The following ODF2L variants were observed in gnomAD, a reference collection of about 807,000 sequenced individuals.
The protein encoded by ODF2L is protein BCAP.
In ODF2L, 76 loss-of-function variants were observed where a neutral mutation model predicts 86.3. The ratio of observed to expected loss-of-function variants is 0.88; its 90% CI spans 0.73 to 1.07. ODF2L has a LOEUF of 1.07. ODF2L is among the 50% of genes least tolerant of loss of function. The probability of loss-of-function intolerance (pLI) is 0.00; values close to 1 mark genes in which losing one functional copy is unlikely to be tolerated. For missense variants in ODF2L, 748 were observed against 717.4 expected (o/e 1.04, Z -0.49); for synonymous variants, 241 against 231.3 (o/e 1.04, Z -0.38).
At chr1:86,375,159 C>T (rs1464916573) in intron 8 of ODF2L, among the ~76,000 whole-genome samples, 1 of 151,786 alleles carries the variant, frequency 6.6e-6, no homozygotes, top group African/African-American at 2.4e-5. Context: ...TGAAAAGATA[C>T]CTGAATGATT....
chr1:86,352,990 AT>A lies in ODF2L; in HGVS notation c.1768-7del. On this transcript the variant is annotated splice_polypyrimidine_tract_variant and splice_region_variant and intron_variant, in intron 16 of 17. Transcript: ENST00000317336. Reference sequence around the variant, plus strand: ...TTCTCTATTTCTTCAGCAACCTGTAATTTTTATCAAAAGAGTAAAATAAAGT... The same window carrying A: ...TTCTCTATTTCTTCAGCAACCTGTAATTTTATCAAAAGAGTAAAATAAAGT... 1 of 1,492,356 alleles carries A rather than the reference AT, an allele frequency of 6.7e-7. No homozygotes were observed. The highest frequency in any genetic ancestry group is 9.2e-7 in the Non-Finnish European group (1 of 1,086,244). The allele number at this position is 1,492,356 out of a possible 1,614,324, so 92.4% of individuals were successfully genotyped here. A position where few individuals can be genotyped will look rare whatever the true frequency, so the allele number is the denominator to read the frequency against.
chr1:86,372,596 C>T, intron 8 of ODF2L, 56 bp from the exon 9 acceptor site: 1 of 925,190 alleles, frequency 1.1e-6, no homozygotes, highest in Non-Finnish European at 1.6e-6. Context: ...TTGTTTTGTT[C>T]AGATCTCTAA....
intron 1 of ODF2L, among the ~76,000 whole-genome samples, chr1:86,395,276 C>T (rs891837951): frequency 1.4e-4 from 21 of 152,354 alleles, no homozygotes; most frequent in African/African-American, 5.1e-4. Context: ...TCCCCAACAG[C>T]AGCCCCAGTA....
intron 11 of ODF2L, among the ~76,000 whole-genome samples, chr1:86,364,986 A>G (rs188348506): frequency 2.6e-5 from 4 of 152,298 alleles, no homozygotes; most frequent in African/African-American, 9.6e-5. Flanking sequence ...GTTTTCTGGA[A>G]TTTTCCAATA....
intron 1 of ODF2L, among the ~76,000 whole-genome samples, chr1:86,393,543 T>C (rs1661481731): frequency 6.6e-6 from 1 of 152,176 alleles, no homozygotes; most frequent in Admixed American, 6.5e-5. Context: ...AAAAGAAGGA[T>C]GTATATTTAA....
intron 1 of ODF2L, among the ~76,000 whole-genome samples, chr1:86,391,223 T>C (rs1209548193): frequency 2.0e-5 from 3 of 152,204 alleles, no homozygotes; most frequent in African/African-American, 4.8e-5. Context: ...CCCATGTTCA[T>C]GGATGGGTCA....
chr1:86,382,938 C>T, exon 6 of ODF2L: 2 of 1,543,034 alleles, frequency 1.3e-6, no homozygotes, highest in Admixed American at 1.7e-5. Flanking sequence ...TACCTTTTCA[C>T]TCTGAAACAA....
At chr1:86,382,975 C>T (rs1258948143) in exon 6 of ODF2L, 1 of 1,563,600 alleles carries the variant, frequency 6.4e-7, no homozygotes, top group Non-Finnish European at 8.8e-7. Flanking sequence ...ATATGGGCCT[C>T]CTTTTCAAAT....
At chr1:86,380,478 C>G (rs1334042902) in intron 7 of ODF2L, among the ~76,000 whole-genome samples, 3 of 152,100 alleles carry the variant, frequency 2.0e-5, no homozygotes, top group African/African-American at 7.2e-5. Flanking sequence ...CATCATCACA[C>G]CATGAATAGT....
At chr1:86,354,665 A>G (rs772796284) in exon 16 of ODF2L, 104 of 1,611,298 alleles carry the variant, frequency 6.5e-5, no homozygotes, top group Non-Finnish European at 8.5e-5. Context: ...CAAGCTCTTT[A>G]TTTTCTGCGT....
rs112368234 is a variant in ODF2L at position 86,366,320 on chromosome 1, A to G, written c.1143+2316T>C. ...TGTAATCCCAGTACTTTGGGAGGAC[A>G]AGGTGGGAGGATCGCTTGAGCCCAG... On this transcript the variant is annotated intron_variant, in intron 11 of 17. Transcript: ENST00000317336. 9.5e-3 allele frequency among the ~76,000 whole-genome samples: 1,435 copies of G among 151,274 alleles called. 14 individuals are homozygous for G. The highest frequency in any genetic ancestry group is 0.034 in the Middle Eastern group (10 of 294).
At position 86,369,241 on chromosome 1, in the gene ODF2L, T is replaced by G. The variant is rs148880717; in HGVS notation, c.1057-519A>C. On this transcript the variant is annotated intron_variant, in intron 10 of 17. Transcript: ENST00000317336. ...CAAAATTTCTTGAAGGAAAAAATTC[T>G]AATTCAGAATATCACAATGTCACTG... is the stretch of plus-strand genomic sequence containing the variant. 5.7e-3 allele frequency among the ~76,000 whole-genome samples: 872 copies of G among 152,292 alleles called. 9 individuals are homozygous for G. The highest frequency in any genetic ancestry group is 0.02 in the African/African-American group (812 of 41,582).
downstream of ODF2L, chr1:86,348,845 C>T (rs1419817844): frequency 1.2e-5 from 19 of 1,559,382 alleles, no homozygotes; most frequent in Non-Finnish European, 1.5e-5. Flanking sequence ...CTATTTTGTA[C>T]TTCTTTCAAA....
At chr1:86,394,893 T>A (rs1286829430) in intron 1 of ODF2L, among the ~76,000 whole-genome samples, 2 of 142,360 alleles carry the variant, frequency 1.4e-5, no homozygotes, top group Non-Finnish European at 3.0e-5. Flanking sequence ...CAGGCTGGAG[T>A]GCAGTGGCGC....
intron 1 of ODF2L, among the ~76,000 whole-genome samples, chr1:86,394,442 A>G (rs1661561034): frequency 6.6e-6 from 1 of 152,044 alleles, no homozygotes; most frequent in Non-Finnish European, 1.5e-5. Flanking sequence ...AGATACTAAA[A>G]CATAAATATA....
chr1:86,369,491 C>A (rs1359062902), intron 10 of ODF2L, among the ~76,000 whole-genome samples: 1 of 152,150 alleles, frequency 6.6e-6, no homozygotes, highest in African/African-American at 2.4e-5. Flanking sequence ...TGAAACCAAT[C>A]GAGTCTTTCC....
At chr1:86,350,280 T>G (rs1344150268) in exon 18 of ODF2L, 3 of 152,130 alleles carry the variant, frequency 2.0e-5, no homozygotes, top group African/African-American at 7.2e-5. Flanking sequence ...CAGGCCCTGG[T>G]GTGTGATGTT....
At chr1:86,393,413 A>C (rs1043210835) in intron 1 of ODF2L, among the ~76,000 whole-genome samples, 16 of 152,294 alleles carry the variant, frequency 1.1e-4, no homozygotes, top group African/African-American at 3.6e-4. Context: ...GGAATCTTGG[A>C]AACAGGCAAA....
At chr1:86,359,870 G>C (rs927780633) in intron 12 of ODF2L, among the ~76,000 whole-genome samples, 15 of 152,068 alleles carry the variant, frequency 9.9e-5, no homozygotes, top group African/African-American at 3.6e-4. Context: ...TAACCATCAT[G>C]CAAGGACCTG....
Sources: allele counts gnomAD v4.1 joint callset (sites outside exome capture counted in the v4.1 genomes callset), GRCh38; gene constraint gnomAD v4.1.1; transcripts MANE v1.5; gene names NCBI Gene and HGNC (gene_info 2026-07-23, HGNC 2026-07-21).